ZNF385D: variants seen among roughly 807,000 people sequenced by gnomAD.
ZNF385D encodes the protein zinc finger protein 659.
A neutral mutation model predicts 35.8 loss-of-function variants in ZNF385D; 15 were observed. The ratio of observed to expected loss-of-function variants is 0.42; its 90% CI spans 0.28 to 0.64. The LOEUF is 0.64. Among genes scored for constraint, ZNF385D ranks in the 30% least tolerant of loss-of-function variants. The pLI is 0.23. For missense variants in ZNF385D, 474 were observed against 494.6 expected, an observed-to-expected ratio of 0.96 and a Z score of 0.39; for synonymous variants, 212 against 186.8, an observed-to-expected ratio of 1.13 and a Z score of -1.10.
intron 3 of ZNF385D, among the ~76,000 whole-genome samples, chr3:21,841,859 T>G (rs1052572489): frequency 6.7e-6 from 1 of 149,722 alleles, no homozygotes; most frequent in Non-Finnish European, 1.5e-5. Flanking sequence ...GCCTTTATAC[T>G]TTTTTTGTTT....
intron 3 of ZNF385D, among the ~76,000 whole-genome samples, chr3:21,788,503 T>C (rs902220621): frequency 6.6e-6 from 1 of 152,180 alleles, no homozygotes; most frequent in African/African-American, 2.4e-5. Flanking sequence ...GTGACATGTG[T>C]CTCTGTCTTT....
intron 3 of ZNF385D, among the ~76,000 whole-genome samples, chr3:21,966,894 G>A (rs1702945566): frequency 6.6e-6 from 1 of 152,208 alleles, no homozygotes; most frequent in Non-Finnish European, 1.5e-5. Context: ...TTGAGCCACA[G>A]CCCCTGGCCT....
intron 3 of ZNF385D, among the ~76,000 whole-genome samples, chr3:21,806,240 G>A (rs1211302760): frequency 1.3e-5 from 2 of 150,084 alleles, no homozygotes; most frequent in Non-Finnish European, 3.0e-5. Flanking sequence ...GCAGGGGGAG[G>A]TTATACCAAT....
At chr3:22,299,489 A>G (rs570784734) in intron 2 of ZNF385D, among the ~76,000 whole-genome samples, 8 of 151,978 alleles carry the variant, frequency 5.3e-5, no homozygotes, top group African/African-American at 1.4e-4. Context: ...AAAGTAAAAC[A>G]TTCTATAAAA....
intron 2 of ZNF385D, among the ~76,000 whole-genome samples, chr3:22,340,518 C>A (rs1440401691): frequency 6.6e-6 from 1 of 152,026 alleles, no homozygotes; most frequent in Non-Finnish European, 1.5e-5. Flanking sequence ...ATGTGGTGCA[C>A]GCCTGTAATC....
At chr3:21,553,528 C>T (rs1236209084) in intron 3 of ZNF385D, among the ~76,000 whole-genome samples, 1 of 151,834 alleles carries the variant, frequency 6.6e-6, no homozygotes, top group African/African-American at 2.4e-5. Flanking sequence ...ATTGGCTGAT[C>T]ATAGTGTTGG....
At chr3:22,203,207 A>G (rs1454596727) in intron 2 of ZNF385D, among the ~76,000 whole-genome samples, 2 of 152,092 alleles carry the variant, frequency 1.3e-5, no homozygotes, top group African/African-American at 4.8e-5. Flanking sequence ...CTTAGCCACA[A>G]CAGGATAGGG....
chr3:22,115,494 A>G (rs1702759684), intron 3 of ZNF385D, among the ~76,000 whole-genome samples: 2 of 152,084 alleles, frequency 1.3e-5, no homozygotes, highest in African/African-American at 2.4e-5. Flanking sequence ...AATTTTATAG[A>G]GAATGAAAGA....
intron 2 of ZNF385D, among the ~76,000 whole-genome samples, chr3:21,617,132 G>A (rs2064871612): frequency 6.6e-6 from 1 of 152,124 alleles, no homozygotes; most frequent in East Asian, 1.9e-4. Flanking sequence ...AAGCCTTAAT[G>A]TGTTAAGTAT....
At chr3:21,825,174 G>GA (rs1023193617) in intron 3 of ZNF385D, among the ~76,000 whole-genome samples, 1 of 152,004 alleles carries the variant, frequency 6.6e-6, no homozygotes, top group Admixed American at 6.6e-5. Context: ...ACGCAAACCA[G>GA]AAAAAAATTC....
intron 3 of ZNF385D, among the ~76,000 whole-genome samples, chr3:22,056,695 G>T (rs1236587907): frequency 6.6e-6 from 1 of 152,188 alleles, no homozygotes; most frequent in Non-Finnish European, 1.5e-5. Flanking sequence ...TAATAATGCT[G>T]TGTAACAATC....
intron 3 of ZNF385D, among the ~76,000 whole-genome samples, chr3:22,075,043 C>T (rs1383355400): frequency 1.3e-5 from 2 of 151,860 alleles, no homozygotes; most frequent in Non-Finnish European, 2.9e-5. Context: ...ATATTTGAAA[C>T]TTGCAGAGTA....
intron 3 of ZNF385D, among the ~76,000 whole-genome samples, chr3:22,019,076 G>A (rs1697070700): frequency 9.6e-6 from 1 of 103,882 alleles, no homozygotes; most frequent in Admixed American, 9.8e-5. Flanking sequence ...TTATGAAGGA[G>A]GCTATCCCTG....
chr3:21,703,259 A>T (rs921531387), intron 1 of ZNF385D, among the ~76,000 whole-genome samples: 18 of 152,156 alleles, frequency 1.2e-4, no homozygotes, highest in African/African-American at 4.1e-4. Context: ...GCAAAAGTGG[A>T]AACCCCTGAT....
chr3:21,605,104 G>T (rs1261691496), intron 2 of ZNF385D, among the ~76,000 whole-genome samples: 5 of 152,158 alleles, frequency 3.3e-5, no homozygotes, highest in Admixed American at 2.6e-4. Context: ...GAAATGAAAG[G>T]CATGTATGGA....
rs200051292 is a variant in ZNF385D at position 21,496,937 on chromosome 3, C to T, written c.439+13924G>A. On this transcript the variant is annotated intron_variant, in intron 4 of 7. Coordinates refer to ENST00000281523, the MANE Select transcript of ZNF385D (RefSeq NM_024697.3). ...GAGCTGTGCATGACAAACCCATACC[C>T]AACATCATACTGAATGGGCAAAGCT... Among the ~76,000 whole-genome samples the T allele has an allele frequency of 1.2e-4, 19 of 152,168 alleles. No individual in the cohort carries two copies. In the East Asian group the frequency reaches 3.7e-3, roughly 29 times the overall value.
chr3:22,217,542 A>C (rs1387617832), intron 2 of ZNF385D, among the ~76,000 whole-genome samples: 1 of 152,178 alleles, frequency 6.6e-6, no homozygotes, highest in Admixed American at 6.6e-5. Context: ...GAAGTACTGG[A>C]TGTTGGGACT....
At chr3:21,908,151 T>TATCTATCTATCTATCC (rs1553696843) in intron 3 of ZNF385D, among the ~76,000 whole-genome samples, 21 of 151,004 alleles carry the variant, frequency 1.4e-4, no homozygotes, top group African/African-American at 5.1e-4. Flanking sequence ...TCTATCTATC[T>TATCTATCTATCTATCC]ATCTATCTAT....
At chr3:22,283,057 T>G (rs376785288) in intron 2 of ZNF385D, among the ~76,000 whole-genome samples, 1 of 151,940 alleles carries the variant, frequency 6.6e-6, no homozygotes, top group African/African-American at 2.4e-5. Context: ...GAAAAAAAAT[T>G]TTAAGGTAAC....
Sources: allele counts gnomAD v4.1 joint callset (sites outside exome capture counted in the v4.1 genomes callset), GRCh38; gene constraint gnomAD v4.1.1; transcripts MANE v1.5; gene names NCBI Gene and HGNC (gene_info 2026-07-23, HGNC 2026-07-21).